The following PCDHGA4 variants were observed in gnomAD, a reference collection of about 807,000 sequenced individuals.
The protein encoded by PCDHGA4 is protocadherin gamma subfamily A, 4, also known as protocadherin gamma-A4.
Under a neutral mutation model 54.6 loss-of-function variants are expected in PCDHGA4, and 38 were observed. The ratio of observed to expected loss-of-function variants is 0.70; its 90% CI spans 0.54 to 0.91. PCDHGA4 has a LOEUF of 0.91. Among genes scored for constraint, PCDHGA4 ranks in the 40% least tolerant of loss-of-function variants. The pLI, the probability that PCDHGA4 is intolerant of heterozygous loss-of-function variation, is 0.00. For missense variants in PCDHGA4, 1,298 were observed against 1,220.9 expected (o/e 1.06, Z -0.94); for synonymous variants, 511 against 512.9 (o/e 1.00, Z 0.05).
chr5:141,387,555 A>G (rs1236867307), intron 1 of PCDHGA4: 10 of 410,246 alleles, frequency 2.4e-5, no homozygotes, highest in Non-Finnish European at 4.3e-5. Flanking sequence ...TCTTTCAGTT[A>G]GGCACACAAT....
intron 3 of PCDHGA4, among the ~76,000 whole-genome samples, chr5:141,507,617 C>T (rs1366723844): frequency 6.6e-6 from 1 of 152,278 alleles, no homozygotes; most frequent in African/African-American, 2.4e-5. Context: ...GTATATTTAG[C>T]TGTTGTGGCC....
chr5:141,361,426 C>T lies in PCDHGA4; in HGVS notation c.2514+3805C>T, dbSNP rs763880650. 8.7e-6 allele frequency: 14 copies of T among 1,614,034 alleles called. No individual in the cohort carries two copies. The Admixed American group carries it at 2.3e-4, about 27-fold the overall frequency. The stretch of plus-strand genomic sequence containing the variant: ...CACAGCCACCGACGGGGGCAAGCCG[C>T]CCCTCTCCTCCAGCATAATTGTCAC... On this transcript the variant is annotated intron_variant, in intron 1 of 3. Transcript: ENST00000571252.
chr5:141,495,103 C>T (rs1383918796), intron 2 of PCDHGA4, among the ~76,000 whole-genome samples: 2 of 152,132 alleles, frequency 1.3e-5, no homozygotes, highest in Non-Finnish European at 2.9e-5. Context: ...TCGCCACGAC[C>T]GGCACCTTTT....
At position 141,476,749 on chromosome 5, in the gene PCDHGA4, G is replaced by C; in HGVS notation, c.2515-18058G>C. On this transcript the variant is annotated intron_variant, in intron 1 of 3. Transcript: ENST00000571252. The surrounding 1 kb of genome is among the most constrained non-coding windows in gnomAD (Gnocchi z 7.6). ...ACCGAGAACGGGAGCCTAGTCTCCA[G>C]TTAGTGCTGACGGCGTTGGACGGAG... is the stretch of plus-strand genomic sequence containing the variant. 1.9e-6 allele frequency: 3 copies of C among 1,614,042 alleles called. No homozygotes were observed. The highest frequency in any genetic ancestry group is 2.5e-6 in the Non-Finnish European group (3 of 1,180,038).
At position 141,399,393 on chromosome 5, in the gene PCDHGA4, C is replaced by G. The variant is rs762678347; in HGVS notation, c.2514+41772C>G. 28 of 1,613,976 alleles carry G rather than the reference C, an allele frequency of 1.7e-5. No homozygotes were observed. In the Middle Eastern group the frequency reaches 2.8e-3, roughly 162 times the overall value. ...ACAATGTCACCATCACAGCCACAGA[C>G]AGGGGCAAGCCGCCCCTCTCCTCCA... On this transcript the variant is annotated intron_variant, in intron 1 of 3. Transcript: ENST00000571252.
At chr5:141,361,458 C>G in intron 1 of PCDHGA4, 1 of 1,614,054 alleles carries the variant, frequency 6.2e-7, no homozygotes, top group Non-Finnish European at 8.5e-7. Flanking sequence ...TCACCCTGCA[C>G]ATCTCCGACG....
In PCDHGA4 at chr5:141,486,001, C is replaced by T. The variant is rs771993915; in HGVS notation, c.2515-8806C>T. ...ACCCGGACCTGGGTCCCAGTGGTAA[C>T]GTCACCTTTTATTTCAGTGGTCATA... On this transcript the variant is annotated intron_variant, in intron 1 of 3. Coordinates refer to ENST00000571252, the MANE Select transcript of PCDHGA4 (RefSeq NM_018917.4). This position sits in a 1 kb window ranked among gnomAD's most constrained non-coding sequence, Gnocchi z 5.0. The T allele has an allele frequency of 2.5e-6, 4 of 1,614,076 alleles. No homozygotes were observed. The highest frequency in any genetic ancestry group is 8.5e-7 in the Non-Finnish European group (1 of 1,180,032).
chr5:141,470,778 C>A (rs1047167697), intron 1 of PCDHGA4, among the ~76,000 whole-genome samples: 1 of 152,132 alleles, frequency 6.6e-6, no homozygotes, highest in African/African-American at 2.4e-5. Context: ...GTCTTGAATT[C>A]CTGGGCTCAA....
At chr5:141,482,530 C>CAAAAAA (rs3074545) in intron 1 of PCDHGA4, among the ~76,000 whole-genome samples, 68 of 76,370 alleles carry the variant, frequency 8.9e-4, no homozygotes, top group African/African-American at 1.2e-3. Context: ...GACAGACATG[C>CAAAAAA]AAAAAAAAAA....
At chr5:141,372,213 C>A (rs999187008) in intron 1 of PCDHGA4, 1 of 1,613,592 alleles carries the variant, frequency 6.2e-7, no homozygotes, top group Non-Finnish European at 8.5e-7. Flanking sequence ...GCTGTCCTAC[C>A]ACATTGTGCA....
chr5:141,386,419 G>T (rs952384075), intron 1 of PCDHGA4, among the ~76,000 whole-genome samples: 1 of 152,112 alleles, frequency 6.6e-6, no homozygotes, highest in African/African-American at 2.4e-5. Flanking sequence ...GTTGCAAGCT[G>T]TAGCCCACCT....
intron 1 of PCDHGA4, chr5:141,415,642 A>T (rs1418546981): frequency 6.0e-6 from 5 of 831,836 alleles, no homozygotes; most frequent in Middle Eastern, 2.6e-4. Flanking sequence ...TACTTTTGTT[A>T]AAAAAAAAAA....
rs1303066281 is a variant in PCDHGA4, at chr5:141,511,199, G to A, written c.*26G>A. The A allele has an allele frequency of 1.2e-6, 2 of 1,612,750 alleles. No homozygotes were observed. The highest frequency in any genetic ancestry group is 1.3e-5 in the African/African-American group (1 of 74,896). On this transcript the variant is annotated 3_prime_UTR_variant, in exon 4 of 4. Transcript: ENST00000571252. The stretch of plus-strand genomic sequence containing the variant: ...CATGGAGGCCAGGCCAAGAGCCACA[G>A]GGCGGCCTCTCCCCAACCAGCCCAG...
At chr5:141,408,959 G>A (rs1434961395) in intron 1 of PCDHGA4, 1 of 1,613,722 alleles carries the variant, frequency 6.2e-7, no homozygotes, top group East Asian at 2.2e-5. Context: ...TAGTCTTAGT[G>A]AAAATCTGCC....
intron 1 of PCDHGA4, chr5:141,370,715 A>C (rs767773166): frequency 5.0e-6 from 8 of 1,613,816 alleles, no homozygotes; most frequent in East Asian, 2.2e-5. Flanking sequence ...TGGAATTTGA[A>C]ATGGTTGCTG....
chr5:141,489,148 C>G lies in PCDHGA4; in HGVS notation c.2515-5659C>G. 1 of 895,318 alleles carries G rather than the reference C, an allele frequency of 1.1e-6. No individual in the cohort carries two copies. Among genetic ancestry groups the G allele is most frequent in the Non-Finnish European group, 1.7e-6 (1 of 589,254 alleles). The allele number at this position is 895,318 out of a possible 1,614,324, so 55.5% of individuals were successfully genotyped here. A position where few individuals can be genotyped will look rare whatever the true frequency, so the allele number is the denominator to read the frequency against. ...CAGTTTTTAAGAGGCTGGAAGGAGA[C>G]ATAAGAGACTTCAGCTGCTGCATTC... On this transcript the variant is annotated intron_variant, in intron 1 of 3. Transcript: ENST00000571252. This position sits in a 1 kb window ranked among gnomAD's most constrained non-coding sequence, Gnocchi z 4.5.
chr5:141,453,266 A>G (rs1322091044), intron 1 of PCDHGA4, among the ~76,000 whole-genome samples: 4 of 151,838 alleles, frequency 2.6e-5, no homozygotes. Flanking sequence ...AGTGCACACC[A>G]CCATGACTGG....
In PCDHGA4 at chr5:141,356,690, A is replaced by C. The variant is rs572628433; in HGVS notation, c.1583A>C (p.Gln528Pro). ...ITYSLAEDTF[Q>P]GAPLSSYVSI... ...TACTCCCTGGCCGAAGACACCTTCC[A>C]GGGTGCACCTCTGTCCTCCTATGTC... is the stretch of plus-strand genomic sequence containing the variant. Residue 528 changes from glutamine to proline, a missense_variant, in exon 1 of 4, where the codon CAG becomes CCG. Gln to Pro is a moderately conservative substitution (Grantham distance 76). Coordinates refer to ENST00000571252, the MANE Select transcript of PCDHGA4 (RefSeq NM_018917.4). 3 of 1,614,024 alleles carry C rather than the reference A, an allele frequency of 1.9e-6. No individual in the cohort carries two copies. The South Asian group carries it at 3.3e-5, about 18-fold the overall frequency.
intron 1 of PCDHGA4, chr5:141,478,773 T>C (rs975950601): frequency 1.3e-6 from 2 of 1,496,766 alleles, no homozygotes; most frequent in African/African-American, 2.8e-5. Context: ...GACTCATCTG[T>C]GGACCTAATT....
Sources: gnomAD v4.1 joint callset for allele counts (sites outside exome capture counted in the v4.1 genomes callset) on GRCh38, gnomAD v4.1.1 for gene constraint, Gnocchi (gnomAD v3.1) non-coding constraint, MANE v1.5 for transcripts, NCBI Gene and HGNC (gene_info 2026-07-23, HGNC 2026-07-21) for gene names.